Variants in RASA3 observed in about 807,000 individuals in gnomAD.
The protein encoded by RASA3 is ras GTPase-activating protein 3.
A neutral mutation model predicts 110.0 loss-of-function variants in RASA3; 73 were observed. The observed-to-expected ratio is 0.66, with a 90% confidence interval of 0.55 to 0.81. The LOEUF (loss-of-function observed/expected upper bound fraction) is 0.81. Ranked by LOEUF, RASA3 falls within the 30% of genes least tolerant of loss-of-function variation. RASA3 has a pLI of 0.00. For missense variants in RASA3, 976 were observed against 1,113.2 expected (o/e 0.88, Z 1.75); for synonymous variants, 500 against 451.4 (o/e 1.11, Z -1.37).
At chr13:114,068,881 T>C (rs190887161) in intron 2 of RASA3, among the ~76,000 whole-genome samples, 1 of 152,222 alleles carries the variant, frequency 6.6e-6, no homozygotes, top group African/African-American at 2.4e-5. Flanking sequence ...CTCTGAAATG[T>C]GTCCACTTCG....
rs895835362 is a variant in RASA3, at chr13:114,011,860, T to A, written c.1513-612A>T. 6.6e-6 allele frequency among the ~76,000 whole-genome samples: 1 copy of A among 151,842 alleles called. No homozygotes were observed. Among genetic ancestry groups the A allele is most frequent in the African/African-American group, 2.4e-5 (1 of 41,310 alleles). ...TTGCTTGAACCCAGGAGGCAGAGGT[T>A]GCAGTGAGCTGAGATGGTACCACTG... On this transcript the variant is annotated intron_variant, in intron 15 of 23. Coordinates refer to ENST00000334062, the MANE Select transcript of RASA3 (RefSeq NM_007368.4). The surrounding 1 kb of genome is among the most constrained non-coding windows in gnomAD (Gnocchi z 4.8).
At chr13:114,109,741 T>G (rs1413755128) in intron 1 of RASA3, among the ~76,000 whole-genome samples, 1 of 151,566 alleles carries the variant, frequency 6.6e-6, no homozygotes, top group African/African-American at 2.4e-5. Flanking sequence ...CCAAACGCCG[T>G]GAGCAGCCTC....
At chr13:114,001,825 T>C (rs563859614) in intron 18 of RASA3, among the ~76,000 whole-genome samples, 2 of 152,336 alleles carry the variant, frequency 1.3e-5, no homozygotes, top group African/African-American at 2.4e-5. Context: ...ACACCTGTGT[T>C]GTGCGGGAGT....
intron 1 of RASA3, among the ~76,000 whole-genome samples, chr13:114,131,903 G>A (rs1268134004): frequency 6.6e-6 from 1 of 152,098 alleles, no homozygotes; most frequent in Non-Finnish European, 1.5e-5. Context: ...AGGCACAGAC[G>A]CGCGCGCACA....
chr13:114,073,951 C>G, intron 1 of RASA3, 114 bp from the exon 2 acceptor site: 1 of 970,842 alleles, frequency 1.0e-6, no homozygotes, highest in East Asian at 2.4e-5. Context: ...CTCTATAAAG[C>G]CTTGGTTTTT....
In RASA3 at chr13:114,018,788, A is replaced by G; in HGVS notation, c.917T>C (p.Leu306Pro). 1 of 1,613,484 alleles carries G rather than the reference A, an allele frequency of 6.2e-7. No homozygotes were observed. Among genetic ancestry groups the G allele is most frequent in the Non-Finnish European group, 8.5e-7 (1 of 1,179,942 alleles). The change falls in exon 10 of 24, where the codon CTG becomes CCG. Residue 306 changes from leucine (L) to proline (P), a missense_variant. Transcript: ENST00000334062. ...SSDYYSPLRD[L>P]LLKSADVEPV... ...CTCCACATCCGCAGACTTCAACAGC[A>G]GGTCCCGCAGAGGGCTGTAATAGTC...
intron 3 of RASA3, among the ~76,000 whole-genome samples, chr13:114,044,886 TA>T (rs1334961291): frequency 6.6e-6 from 1 of 152,110 alleles, no homozygotes; most frequent in Non-Finnish European, 1.5e-5. Context: ...AGAAGTCACA[TA>T]TTTACGTGGA....
intron 1 of RASA3, among the ~76,000 whole-genome samples, chr13:114,090,807 T>G (rs1039462339): frequency 7.2e-5 from 11 of 152,208 alleles, no homozygotes; most frequent in African/African-American, 2.7e-4. Context: ...AGTTCCCTTT[T>G]CCTGGAGAAA....
intron 7 of RASA3, among the ~76,000 whole-genome samples, chr13:114,026,865 G>C (rs761360034): frequency 1.3e-5 from 2 of 152,214 alleles, no homozygotes; most frequent in Non-Finnish European, 2.9e-5. Flanking sequence ...CATTCCACCA[G>C]GTGCACCCTT....
rs1248714369 is a variant in RASA3 at position 114,056,631 on chromosome 13, C to G, written c.174-4476G>C. The G allele has an allele frequency of 1.0e-6, 1 of 985,002 alleles. No homozygotes were observed. The highest frequency in any genetic ancestry group is 1.2e-6 in the Non-Finnish European group (1 of 829,882). 61.0% of individuals were successfully genotyped at this position (985,002 alleles called of 1,614,324 possible). A position where few individuals can be genotyped will look rare whatever the true frequency, so the allele number is the denominator to read the frequency against. On this transcript the variant is annotated intron_variant, in intron 2 of 23. Transcript: ENST00000334062. This position sits in a 1 kb window ranked among gnomAD's most constrained non-coding sequence, Gnocchi z 5.7. ...GTGCTGGCTGGGCACCTGGGAGGGT[C>G]CCGTGAGGCTTCTGGTGGTGCTGAC...
At chr13:114,020,714 A>AAAGGCAGGAGGCAGC (rs2053908090) in intron 9 of RASA3, among the ~76,000 whole-genome samples, 1 of 152,212 alleles carries the variant, frequency 6.6e-6, no homozygotes, top group African/African-American at 2.4e-5. Flanking sequence ...AACAGGAAAG[A>AAAGGCAGGAGGCAGC]AAGGCAGGAG....
rs1230463213 is a variant in RASA3 at position 114,013,619 on chromosome 13, C to A, written c.1406-371G>T. Among the ~76,000 whole-genome samples, 160 of 61,418 alleles carry A rather than the reference C, an allele frequency of 2.6e-3. 6 individuals are homozygous for A. The Middle Eastern group carries it at 0.065, about 25-fold the overall frequency. 40.3% of individuals were successfully genotyped at this position (61,418 alleles called of 152,430 possible). A position where few individuals can be genotyped will look rare whatever the true frequency, so the allele number is the denominator to read the frequency against. On this transcript the variant is annotated intron_variant, in intron 14 of 23. Transcript: ENST00000334062. Reference sequence around the variant, plus strand: ...CCGTCTCTGGCTCTCTCCCCCCCTCCATCTGTCTCTCTCTCTCTCCATCTC... The same window carrying A: ...CCGTCTCTGGCTCTCTCCCCCCCTCAATCTGTCTCTCTCTCTCTCCATCTC...
Position 114,000,907 on chromosome 13 carries a change from G to C in RASA3, c.1768C>G (p.Arg590Gly). 1.2e-6 allele frequency: 2 copies of C among 1,613,478 alleles called. No individual in the cohort carries two copies. Among genetic ancestry groups the C allele is most frequent in the Non-Finnish European group, 1.7e-6 (2 of 1,179,574 alleles). Reference protein sequence around the residue: ...EGFMIKRAQGRKRFGMKNFKK... With the variant: ...EGFMIKRAQGGKRFGMKNFKK... Reference sequence around the variant, plus strand: ...AAATTCTTCATCCCAAAGCGCTTCCGTCCTTGGGCCCTCTTGATCATGAAC... The same window carrying C: ...AAATTCTTCATCCCAAAGCGCTTCCCTCCTTGGGCCCTCTTGATCATGAAC... Residue 590 changes from arginine to glycine, a missense_variant, in exon 19 of 24, where the codon CGG (arginine) becomes GGG (glycine). By Grantham distance (125) the Arg-to-Gly change is moderately radical. Coordinates refer to ENST00000334062, the MANE Select transcript of RASA3 (RefSeq NM_007368.4).
intron 1 of RASA3, among the ~76,000 whole-genome samples, chr13:114,121,246 C>A (rs996666958): frequency 3.3e-5 from 5 of 152,250 alleles, no homozygotes; most frequent in African/African-American, 1.2e-4. Flanking sequence ...GACCCCCGTG[C>A]CCCAAACACA....
At chr13:114,030,739 C>A (rs554580377) in intron 4 of RASA3, among the ~76,000 whole-genome samples, 1 of 151,048 alleles carries the variant, frequency 6.6e-6, no homozygotes, top group South Asian at 2.1e-4. Flanking sequence ...TGTGTGCGTG[C>A]GGTTTGTGTG....
At chr13:113,981,348 G>C (rs1268792506) in intron 23 of RASA3, among the ~76,000 whole-genome samples, 1 of 152,244 alleles carries the variant, frequency 6.6e-6, no homozygotes, top group Non-Finnish European at 1.5e-5. Context: ...AACCAAGGCA[G>C]AACAAGACCT....
At chr13:114,070,260 G>A (rs981046154) in intron 2 of RASA3, among the ~76,000 whole-genome samples, 44 of 151,468 alleles carry the variant, frequency 2.9e-4, no homozygotes, top group East Asian at 5.8e-4. Flanking sequence ...TTGGGGGACC[G>A]GCCCCAAAGT....
intron 2 of RASA3, among the ~76,000 whole-genome samples, chr13:114,060,117 C>G (rs1262304037): frequency 2.0e-5 from 3 of 152,184 alleles, no homozygotes; most frequent in African/African-American, 7.2e-5. Context: ...CAGAGGGACA[C>G]CAGGTGCGAA....
At chr13:113,982,457 C>T (rs1239292925) in intron 22 of RASA3, among the ~76,000 whole-genome samples, 1 of 152,260 alleles carries the variant, frequency 6.6e-6, no homozygotes, top group Non-Finnish European at 1.5e-5. Context: ...GGCCACCTTC[C>T]TAATCGGACC....
Sources: allele counts gnomAD v4.1 joint callset (sites outside exome capture counted in the v4.1 genomes callset), GRCh38; gene constraint gnomAD v4.1.1; non-coding constraint Gnocchi (gnomAD v3.1); transcripts MANE v1.5; gene names NCBI Gene and HGNC (gene_info 2026-07-23, HGNC 2026-07-21).